MOB3B: variants seen among roughly 807,000 people sequenced by gnomAD.
MOB3B encodes the protein MOB kinase activator-like 2B.
A neutral mutation model predicts 18.7 loss-of-function variants in MOB3B; 7 were observed. That is an observed-to-expected ratio of 0.37 (90% confidence interval 0.21 to 0.70). MOB3B has a LOEUF of 0.70. Ranked by LOEUF, MOB3B falls within the 30% of genes least tolerant of loss-of-function variation. The pLI is 0.52. For missense variants in MOB3B, 253 were observed against 281.3 expected (o/e 0.90, Z 0.72); for synonymous variants, 111 against 99.9 (o/e 1.11, Z -0.66).
In MOB3B at chr9:27,511,086, G is replaced by C. The variant is rs546255812; in HGVS notation, c.-199+18469C>G. 3.3e-5 allele frequency among the ~76,000 whole-genome samples: 5 copies of C among 152,252 alleles called. No homozygotes were observed. The South Asian group carries it at 1.0e-3, about 32-fold the overall frequency. ...GAAAGAATCTCACTCTCCACAGGCA[G>C]AAGAAGGGACCCAAGTGTGTTTAAC... is the stretch of plus-strand genomic sequence containing the variant. On this transcript the variant is annotated intron_variant, in intron 1 of 3. Transcript: ENST00000262244.
chr9:27,358,888 T>G (rs1345254322), intron 3 of MOB3B, 146 bp downstream of exon 3: 1 of 851,926 alleles, frequency 1.2e-6, no homozygotes, highest in African/African-American at 1.6e-5. Context: ...TGGCTGTTAG[T>G]TGACCACTAA....
intron 2 of MOB3B, among the ~76,000 whole-genome samples, chr9:27,412,725 T>G (rs1300513295): frequency 6.6e-6 from 1 of 152,204 alleles, no homozygotes. Flanking sequence ...CATCTCAAGA[T>G]GAAAATGAAG....
At chr9:27,353,173 G>A (rs12237173) in intron 3 of MOB3B, among the ~76,000 whole-genome samples, 3 of 151,970 alleles carry the variant, frequency 2.0e-5, no homozygotes, top group Non-Finnish European at 4.4e-5. Flanking sequence ...TTCCCTCAAC[G>A]TGTGGTCTGG....
chr9:27,357,718 T>C (rs1312778781), intron 3 of MOB3B, among the ~76,000 whole-genome samples: 1 of 151,674 alleles, frequency 6.6e-6, no homozygotes, highest in Non-Finnish European at 1.5e-5. Flanking sequence ...CTCTTTTCAA[T>C]GACAATCATC....
chr9:27,486,877 T>G (rs926926694), intron 1 of MOB3B, among the ~76,000 whole-genome samples: 6 of 152,204 alleles, frequency 3.9e-5, no homozygotes, highest in Non-Finnish European at 8.8e-5. Flanking sequence ...ACGCTTGTAA[T>G]GCCAGCACTT....
chr9:27,359,759 G>A (rs1821246992), intron 2 of MOB3B, among the ~76,000 whole-genome samples: 4 of 152,164 alleles, frequency 2.6e-5, no homozygotes, highest in Non-Finnish European at 5.9e-5. Context: ...GAAGGTAAGA[G>A]TTGGGAGGAG....
Position 27,326,901 on chromosome 9 carries a change from G to A in MOB3B, c.*3686C>T. The A allele has an allele frequency of 4.3e-6, 1 of 232,068 alleles. No individual in the cohort carries two copies. 14.4% of individuals were successfully genotyped at this position (232,068 alleles called of 1,614,324 possible). On this transcript the variant is annotated 3_prime_UTR_variant, in exon 4 of 4. Transcript: ENST00000262244. The stretch of plus-strand genomic sequence containing the variant: ...ATCCTTTGGAGGGTCACAACTCACT[G>A]TACTATCTAAGAGTTTTCCCAAAAA...
chr9:27,357,453 C>T (rs535553312), intron 3 of MOB3B, among the ~76,000 whole-genome samples: 3 of 151,756 alleles, frequency 2.0e-5, no homozygotes, highest in Non-Finnish European at 4.4e-5. Context: ...CCTCCTCCAT[C>T]AGGGTCTCAC....
In MOB3B at chr9:27,325,445, T is replaced by C. The variant is rs1008255987; in HGVS notation, c.*5142A>G. The C allele has an allele frequency of 6.6e-6, 1 of 152,206 alleles. No homozygotes were observed. The highest frequency in any genetic ancestry group is 1.5e-5 in the Non-Finnish European group (1 of 68,032). 9.4% of individuals were successfully genotyped at this position (152,206 alleles called of 1,614,324 possible). ...CTGAAATCAGATCACTATAAGCTAG[T>C]AAAACAGGCGAATTATTTGATTAGA... On this transcript the variant is annotated 3_prime_UTR_variant, in exon 4 of 4. Coordinates refer to ENST00000262244, the MANE Select transcript of MOB3B (RefSeq NM_024761.5).
intron 2 of MOB3B, among the ~76,000 whole-genome samples, chr9:27,426,296 A>G (rs1822328891): frequency 6.6e-6 from 1 of 152,188 alleles, no homozygotes. Flanking sequence ...TCTCAGTTAC[A>G]AGCACCAAAT....
chr9:27,414,315 C>T (rs191872218), intron 2 of MOB3B, among the ~76,000 whole-genome samples: 170 of 152,312 alleles, frequency 1.1e-3, no homozygotes, highest in African/African-American at 3.9e-3. Flanking sequence ...CAGAGCAGAA[C>T]CATCTGTCTA....
At chr9:27,456,610 T>A (rs952725631) in intron 1 of MOB3B, among the ~76,000 whole-genome samples, 3 of 152,258 alleles carry the variant, frequency 2.0e-5, no homozygotes, top group African/African-American at 7.2e-5. Flanking sequence ...GAGTTGGTTC[T>A]GTTTCTTGCC....
intron 2 of MOB3B, among the ~76,000 whole-genome samples, chr9:27,384,217 C>T (rs541629980): frequency 6.6e-6 from 1 of 152,176 alleles, no homozygotes; most frequent in African/African-American, 2.4e-5. Flanking sequence ...GGTTAGACAC[C>T]CACATCTCTG....
At chr9:27,378,085 A>C (rs917990188) in intron 2 of MOB3B, among the ~76,000 whole-genome samples, 18 of 152,240 alleles carry the variant, frequency 1.2e-4, no homozygotes, top group African/African-American at 4.3e-4. Context: ...TGGGCTACTT[A>C]TGTCTCAATT....
chr9:27,334,313 T>A (rs975237589), intron 3 of MOB3B, among the ~76,000 whole-genome samples: 3 of 152,200 alleles, frequency 2.0e-5, no homozygotes, highest in African/African-American at 7.2e-5. Context: ...GTCTGAAGTT[T>A]TAGATATTTT....
chr9:27,340,596 T>A (rs1820925724), intron 3 of MOB3B, among the ~76,000 whole-genome samples: 1 of 151,828 alleles, frequency 6.6e-6, no homozygotes, highest in Admixed American at 6.6e-5. Context: ...ATTCTGCAAC[T>A]CTGTGCTTTT....
At chr9:27,420,959 A>G (rs1474267103) in intron 2 of MOB3B, 1 of 140,478 alleles carries the variant, frequency 7.1e-6, no homozygotes, top group African/African-American at 2.5e-5. Flanking sequence ...GAAAATAGAA[A>G]GGTCAGTAAC....
In MOB3B at chr9:27,327,964, AT is replaced by A. The variant is rs1364338862; in HGVS notation, c.*2622del. 6 of 152,042 alleles carry A rather than the reference AT, an allele frequency of 3.9e-5. No individual in the cohort carries two copies. Among genetic ancestry groups the A allele is most frequent in the Non-Finnish European group, 8.8e-5 (6 of 68,002 alleles). The allele number at this position is 152,042 out of a possible 1,614,324, so 9.4% of individuals were successfully genotyped here. ...AAATGTGAGGCAGGTGCGGTGGTAC[AT>A]GCCATAGTCCTGGCTACTCAGGAGG... On this transcript the variant is annotated 3_prime_UTR_variant, in exon 4 of 4. Transcript: ENST00000262244.
At chr9:27,388,141 T>C (rs528424053) in intron 2 of MOB3B, among the ~76,000 whole-genome samples, 39 of 152,352 alleles carry the variant, frequency 2.6e-4, no homozygotes, top group Non-Finnish European at 2.1e-4. Flanking sequence ...AGTGTTAGGA[T>C]AAACCTTGGA....
Sources: gnomAD v4.1 joint callset for allele counts (sites outside exome capture counted in the v4.1 genomes callset) on GRCh38, gnomAD v4.1.1 for gene constraint, MANE v1.5 for transcripts, NCBI Gene and HGNC (gene_info 2026-07-23, HGNC 2026-07-21) for gene names.